The following ATP10D variants were observed in gnomAD, a reference collection of about 807,000 sequenced individuals.
ATP10D encodes the protein ATPase phospholipid transporting 10D (putative).
A neutral mutation model predicts 144.8 loss-of-function variants in ATP10D; 89 were observed. The observed-to-expected ratio is 0.61, with a 90% CI of 0.52 to 0.73. The LOEUF (loss-of-function observed/expected upper bound fraction) is 0.73, where lower values mean the gene tolerates loss of function less well. ATP10D is among the 30% of genes least tolerant of loss of function. The pLI is 0.00. For synonymous variants in ATP10D, 571 were observed against 615.1 expected (o/e 0.93, Z 1.06); for missense variants, 1,603 against 1,714.8 (o/e 0.93, Z 1.15).
chr4:47,554,981 T>A (rs192161322), intron 11 of ATP10D, 67 bp downstream of exon 11: 1 of 1,297,984 alleles, frequency 7.7e-7, no homozygotes, highest in Non-Finnish European at 1.1e-6. Flanking sequence ...TAAATGTATC[T>A]GTACTGAGCT....
intron 1 of ATP10D, among the ~76,000 whole-genome samples, chr4:47,507,916 A>T (rs1037003733): frequency 2.6e-5 from 4 of 152,212 alleles, no homozygotes; most frequent in Admixed American, 6.5e-5. Context: ...GATATGGTTA[A>T]CCAGCCCTCC....
chr4:47,581,702 G>A (rs1034260283), intron 20 of ATP10D, among the ~76,000 whole-genome samples: 1 of 152,212 alleles, frequency 6.6e-6, no homozygotes, highest in Non-Finnish European at 1.5e-5. Context: ...AGCTAGAAGT[G>A]TGAGTGAAAG....
intron 20 of ATP10D, 102 bp downstream of exon 20, chr4:47,580,580 T>C: frequency 9.8e-7 from 1 of 1,019,844 alleles, no homozygotes; most frequent in East Asian, 2.4e-5. Flanking sequence ...ATTGCTCATA[T>C]AATCAGGTTG....
Position 47,563,664 on chromosome 4 carries a change from A to C in ATP10D, c.2752A>C (p.Met918Leu). 1.9e-6 allele frequency: 3 copies of C among 1,614,032 alleles called. No homozygotes were observed. The highest frequency in any genetic ancestry group is 2.5e-6 in the Non-Finnish European group (3 of 1,179,984). ...ALHKAGIKIWMLTGDKQETAV... is the reference protein window; with the variant it reads ...ALHKAGIKIWLLTGDKQETAV... Reference sequence around the variant, plus strand: ...TCACAAAGCGGGCATCAAGATCTGGATGCTGACAGGGGACAAGCAGGAGAC... The same window carrying C: ...TCACAAAGCGGGCATCAAGATCTGGCTGCTGACAGGGGACAAGCAGGAGAC... Residue 918 changes from methionine to leucine, a missense_variant, in exon 15 of 23, where the codon ATG becomes CTG. Transcript: ENST00000273859.
At chr4:47,553,990 A>G (rs951471584) in intron 10 of ATP10D, among the ~76,000 whole-genome samples, 5 of 152,168 alleles carry the variant, frequency 3.3e-5, no homozygotes, top group African/African-American at 1.2e-4. Flanking sequence ...GCAGTTAACT[A>G]TATGTTACTG....
intron 9 of ATP10D, among the ~76,000 whole-genome samples, chr4:47,538,703 T>C (rs1315144081): frequency 6.6e-6 from 1 of 152,188 alleles, no homozygotes; most frequent in Non-Finnish European, 1.5e-5. Flanking sequence ...CAGAATTCAG[T>C]GTACTGAAGT....
chr4:47,504,981 G>A (rs1352981464), intron 1 of ATP10D, among the ~76,000 whole-genome samples: 1 of 152,184 alleles, frequency 6.6e-6, no homozygotes, highest in South Asian at 2.1e-4. Context: ...TGAGAAGAAG[G>A]TTATAAGTCT....
Position 47,563,660 on chromosome 4 carries a change from C to T in ATP10D, c.2748C>T (p.Ile916=). The change falls in exon 15 of 23, where the codon ATC becomes ATT. Residue 916 remains isoleucine, a synonymous_variant. Coordinates refer to ENST00000273859, the MANE Select transcript of ATP10D (RefSeq NM_020453.4). ...IEALHKAGIK[I]WMLTGDKQET... ...CTCTTCACAAAGCGGGCATCAAGAT[C>T]TGGATGCTGACAGGGGACAAGCAGG... 1 of 1,614,000 alleles carries T rather than the reference C, an allele frequency of 6.2e-7. No individual in the cohort carries two copies. Among genetic ancestry groups the T allele is most frequent in the African/African-American group, 1.3e-5 (1 of 75,020 alleles).
At chr4:47,539,039 T>A (rs1434218174) in intron 9 of ATP10D, among the ~76,000 whole-genome samples, 1 of 152,178 alleles carries the variant, frequency 6.6e-6, no homozygotes, top group Non-Finnish European at 1.5e-5. Context: ...ACAAGGTGCA[T>A]CTACCACGGG....
chr4:47,549,415 C>T (rs1310448608), intron 10 of ATP10D, among the ~76,000 whole-genome samples: 1 of 152,176 alleles, frequency 6.6e-6, no homozygotes, highest in Non-Finnish European at 1.5e-5. Flanking sequence ...CTATTGTCTC[C>T]CCCAGGTAGA....
At chr4:47,505,868 A>G (rs886767499) in intron 1 of ATP10D, among the ~76,000 whole-genome samples, 3 of 152,076 alleles carry the variant, frequency 2.0e-5, no homozygotes, top group Non-Finnish European at 4.4e-5. Context: ...TAGACCAGTG[A>G]ACTTGTGTAT....
rs200277047 is a variant in ATP10D at position 47,495,317 on chromosome 4, T to TA, written c.-38+9807dup. Among the ~76,000 whole-genome samples, 915 of 150,976 alleles carry TA rather than the reference T, an allele frequency of 6.1e-3. 3 individuals carry two copies. Among genetic ancestry groups the TA allele is most frequent in the Non-Finnish European group, 9.6e-3 (648 of 67,666 alleles). On this transcript the variant is annotated intron_variant, in intron 1 of 22. Coordinates refer to ENST00000273859, the MANE Select transcript of ATP10D (RefSeq NM_020453.4). ...GCTTGCATTTTATGAAGTTGTGCTT[T>TA]AAAAAAAAAGGAAAGAAAAAAAAGA...
At chr4:47,559,233 T>C (rs1464055734) in intron 13 of ATP10D, among the ~76,000 whole-genome samples, 2 of 152,332 alleles carry the variant, frequency 1.3e-5, no homozygotes, top group East Asian at 1.9e-4. Context: ...CTAAAACTTA[T>C]AGTCTCTAAG....
At chr4:47,509,996 G>A (rs1301530356) in intron 1 of ATP10D, among the ~76,000 whole-genome samples, 1 of 149,494 alleles carries the variant, frequency 6.7e-6, no homozygotes, top group East Asian at 2.0e-4. Context: ...ATTCTACTTT[G>A]CATCATAGAA....
rs1163980127 is a variant in ATP10D at position 47,544,347 on chromosome 4, G to A, written c.1397-2277G>A. On this transcript the variant is annotated intron_variant, in intron 9 of 22. Coordinates refer to ENST00000273859, the MANE Select transcript of ATP10D (RefSeq NM_020453.4). ...TAGCTACAGAGGTCTTTGTGGAGGAGCTGGCATTTGAACTAAACTTCTAAA... is the reference window on the plus strand; with the variant it reads ...TAGCTACAGAGGTCTTTGTGGAGGAACTGGCATTTGAACTAAACTTCTAAA... 2.0e-5 allele frequency among the ~76,000 whole-genome samples: 3 copies of A among 152,184 alleles called. No homozygotes were observed. In the South Asian group the frequency reaches 6.2e-4, roughly 31 times the overall value.
chr4:47,591,215 G>A lies in ATP10D; in HGVS notation c.4115G>A (p.Gly1372Glu), dbSNP rs763021315. The stretch of plus-strand genomic sequence containing the variant: ...GCTAACCAATCAGCTGGCAAGTCAG[G>A]AAGAAGACCCATGCCTGGCCCTTCT... ...KYANQSAGKS[G>E]RRPMPGPSAV... is the part of the protein sequence containing the mutation. The change falls in exon 23 of 23, where the codon GGA becomes GAA. Residue 1372 changes from glycine to glutamate, a missense_variant. Coordinates refer to ENST00000273859, the MANE Select transcript of ATP10D (RefSeq NM_020453.4). The A allele has an allele frequency of 1.1e-5, 18 of 1,613,452 alleles. 1 individual carries two copies. In the South Asian group the frequency reaches 1.5e-4, roughly 14 times the overall value.
rs377416576 is a variant in ATP10D, at chr4:47,512,720, C to T, written c.180C>T (p.Phe60=). 1.2e-6 allele frequency: 2 copies of T among 1,614,038 alleles called. No individual in the cohort carries two copies. The highest frequency in any genetic ancestry group is 1.7e-6 in the Non-Finnish European group (2 of 1,180,006). ...HRIVVPHIQP[F]KDEYEKFSGA... ...TTGTTGTTCCCCACATCCAGCCCTT[C>T]AAGGATGAGTATGAGAAGTTCTCCG... Residue 60 remains phenylalanine, a synonymous_variant, in exon 2 of 23, where the codon TTC becomes TTT. Transcript: ENST00000273859.
At chr4:47,542,636 C>A (rs1718203069) in intron 9 of ATP10D, among the ~76,000 whole-genome samples, 1 of 151,872 alleles carries the variant, frequency 6.6e-6, no homozygotes, top group South Asian at 2.1e-4. Context: ...CGCCACCACA[C>A]CCAGCTAATT....
At position 47,580,293 on chromosome 4, in the gene ATP10D, T is replaced by C. The variant is rs1720444495; in HGVS notation, c.3568-105T>C. The C allele has an allele frequency of 3.3e-6, 3 of 904,066 alleles. No homozygotes were observed. In the East Asian group the frequency reaches 7.3e-5, roughly 22 times the overall value. 56.0% of individuals were successfully genotyped at this position (904,066 alleles called of 1,614,324 possible). ...TGTTGACAAATACCACTTGAAGAAATGGAGCTTTCTCTCAGAGAAACAAAT... is the reference window on the plus strand; with the variant it reads ...TGTTGACAAATACCACTTGAAGAAACGGAGCTTTCTCTCAGAGAAACAAAT... On this transcript the variant is annotated intron_variant, in intron 19 of 22. Transcript: ENST00000273859.
Sources: allele counts gnomAD v4.1 joint callset (sites outside exome capture counted in the v4.1 genomes callset), GRCh38; gene constraint gnomAD v4.1.1; transcripts MANE v1.5; gene names NCBI Gene and HGNC (gene_info 2026-07-23, HGNC 2026-07-21).